The following TDRD3 variants were observed in gnomAD, a reference collection of about 807,000 sequenced individuals.
The protein encoded by TDRD3 is tudor domain-containing protein 3.
In TDRD3, 45 loss-of-function variants were observed where a neutral mutation model predicts 86.7. That is an observed-to-expected ratio of 0.52 (90% CI 0.41 to 0.67). TDRD3 has a LOEUF of 0.67. TDRD3 is among the 30% of genes least tolerant of loss of function. The pLI is 0.00. For missense variants in TDRD3, 814 were observed against 889.0 expected, an observed-to-expected ratio of 0.92 and a Z score of 1.07; for synonymous variants, 298 against 301.7, an observed-to-expected ratio of 0.99 and a Z score of 0.13.
intron 8 of TDRD3, among the ~76,000 whole-genome samples, chr13:60,501,289 G>A (rs1052362154): frequency 7.9e-5 from 12 of 152,110 alleles, no homozygotes; most frequent in Non-Finnish European, 1.6e-4. Context: ...ACAACAGCTA[G>A]GGCTCCTCCT....
At position 60,542,444 on chromosome 13, in the gene TDRD3, T is replaced by TAC. The variant is rs535508542; in HGVS notation, c.2118+7222_2118+7223dup. 3.1e-3 allele frequency among the ~76,000 whole-genome samples: 472 copies of TAC among 152,260 alleles called. 2 individuals are homozygous for TAC. Among genetic ancestry groups the TAC allele is most frequent in the African/African-American group, 0.011 (447 of 41,566 alleles). Reference sequence around the variant, plus strand: ...AAATTGAAAAGGCATCCTTGTTGAATACACACACACACCTGTTTCAGTTTC... The same window carrying TAC: ...AAATTGAAAAGGCATCCTTGTTGAATACACACACACACACCTGTTTCAGTTTC... On this transcript the variant is annotated intron_variant, in intron 12 of 13. Transcript: ENST00000377881.
chr13:60,463,980 G>C (rs933194672), intron 4 of TDRD3, among the ~76,000 whole-genome samples: 1 of 152,172 alleles, frequency 6.6e-6, no homozygotes, highest in Non-Finnish European at 1.5e-5. Context: ...TCCTTGCAGT[G>C]AGTGAGTTCT....
chr13:60,554,482 G>A (rs1219609490), intron 12 of TDRD3, among the ~76,000 whole-genome samples: 7 of 152,046 alleles, frequency 4.6e-5, no homozygotes, highest in Admixed American at 4.6e-4. Context: ...TCTTTGTCCG[G>A]AGGATCTATT....
chr13:60,533,024 A>G (rs1595081000), intron 11 of TDRD3, among the ~76,000 whole-genome samples: 1 of 152,176 alleles, frequency 6.6e-6, no homozygotes, highest in Non-Finnish European at 1.5e-5. Context: ...TGTTTGTTTA[A>G]TTTACCTGAA....
intron 12 of TDRD3, among the ~76,000 whole-genome samples, chr13:60,553,299 A>T (rs1958108314): frequency 6.6e-6 from 1 of 152,144 alleles, no homozygotes; most frequent in Non-Finnish European, 1.5e-5. Context: ...CTAAATCATC[A>T]TTCACTATCA....
chr13:60,413,420 C>T (rs1954415758), intron 1 of TDRD3, among the ~76,000 whole-genome samples: 2 of 152,146 alleles, frequency 1.3e-5, no homozygotes, highest in Admixed American at 6.6e-5. Flanking sequence ...GGTTCTGCCA[C>T]AGATTAGCTA....
chr13:60,535,289 C>A, intron 12 of TDRD3, 56 bp downstream of exon 12: 3 of 1,502,034 alleles, frequency 2.0e-6, no homozygotes, highest in Admixed American at 2.3e-5. Flanking sequence ...AAATATATAG[C>A]TCTAAAGAAT....
chr13:60,437,239 G>GCCTCAGC (rs1955141232), intron 1 of TDRD3, among the ~76,000 whole-genome samples: 1 of 144,172 alleles, frequency 6.9e-6, no homozygotes, highest in Middle Eastern at 3.8e-3. Flanking sequence ...CAATTATCCT[G>GCCTCAGC]CCTCAGCCTC....
intron 12 of TDRD3, among the ~76,000 whole-genome samples, chr13:60,563,303 C>T (rs1029486984): frequency 1.3e-5 from 2 of 151,236 alleles, no homozygotes; most frequent in African/African-American, 4.9e-5. Context: ...AGGTAAGTAT[C>T]TAAGTATTTT....
At chr13:60,546,981 T>C (rs1438666495) in intron 12 of TDRD3, among the ~76,000 whole-genome samples, 1 of 152,018 alleles carries the variant, frequency 6.6e-6, no homozygotes, top group Non-Finnish European at 1.5e-5. Context: ...ACTTTCTGAG[T>C]TTTTCAGATG....
At chr13:60,562,342 AAAAG>A (rs1162216605) in intron 12 of TDRD3, among the ~76,000 whole-genome samples, 1 of 151,846 alleles carries the variant, frequency 6.6e-6, no homozygotes, top group Non-Finnish European at 1.5e-5. Context: ...AAAAAAAAAG[AAAAG>A]AAAAGCTGAT....
intron 3 of TDRD3, among the ~76,000 whole-genome samples, chr13:60,447,604 A>G (rs1243313046): frequency 6.6e-6 from 1 of 152,146 alleles, no homozygotes; most frequent in Admixed American, 6.6e-5. Flanking sequence ...TCAATAAATA[A>G]GGTAAGGCAA....
intron 1 of TDRD3, among the ~76,000 whole-genome samples, chr13:60,404,199 T>G (rs1212490051): frequency 6.6e-6 from 1 of 151,890 alleles, no homozygotes; most frequent in Non-Finnish European, 1.5e-5. Flanking sequence ...CTGTATATGT[T>G]TTCTTTAAAT....
intron 7 of TDRD3, among the ~76,000 whole-genome samples, chr13:60,487,474 CT>C (rs1434774539): frequency 6.6e-6 from 1 of 151,734 alleles, no homozygotes; most frequent in Non-Finnish European, 1.5e-5. Flanking sequence ...GAAACTCCAT[CT>C]CAAAAAATAA....
intron 3 of TDRD3, among the ~76,000 whole-genome samples, chr13:60,454,581 G>A (rs769143429): frequency 1.3e-5 from 2 of 152,022 alleles, no homozygotes; most frequent in Non-Finnish European, 2.9e-5. Context: ...GCTAGTGGGG[G>A]TGCTACTTGA....
At chr13:60,426,332 G>A (rs1954807441) in intron 1 of TDRD3, among the ~76,000 whole-genome samples, 1 of 152,170 alleles carries the variant, frequency 6.6e-6, no homozygotes, top group African/African-American at 2.4e-5. Flanking sequence ...AAATAGATCT[G>A]TAGGATGAAC....
intron 1 of TDRD3, among the ~76,000 whole-genome samples, chr13:60,410,078 G>T (rs9528132): frequency 0.2 from 30,289 of 151,904 alleles, 3,645 homozygotes; most frequent in South Asian, 0.29. Context: ...CTTTTGCTTC[G>T]TCCTCATTTT....
chr13:60,548,433 G>T (rs1957978981), intron 12 of TDRD3, among the ~76,000 whole-genome samples: 1 of 152,110 alleles, frequency 6.6e-6, no homozygotes, highest in African/African-American at 2.4e-5. Context: ...AAGAATGCTT[G>T]GTCTGACTAT....
intron 5 of TDRD3, among the ~76,000 whole-genome samples, chr13:60,481,403 A>C (rs1054826834): frequency 7.0e-6 from 1 of 143,140 alleles, no homozygotes; most frequent in Admixed American, 7.0e-5. Context: ...GACTGCTGGT[A>C]ATTTTCCAAC....
Sources: allele counts gnomAD v4.1 joint callset (sites outside exome capture counted in the v4.1 genomes callset), GRCh38; gene constraint gnomAD v4.1.1; transcripts MANE v1.5; gene names NCBI Gene and HGNC (gene_info 2026-07-23, HGNC 2026-07-21).